ADGRB3: variants seen among roughly 807,000 people sequenced by gnomAD.
The protein encoded by ADGRB3 is brain-specific angiogenesis inhibitor 3.
ADGRB3 carries 37 observed loss-of-function variants against 193.4 expected under a neutral mutation model. The ratio of observed to expected loss-of-function variants is 0.19; its 90% CI spans 0.15 to 0.25. The LOEUF is 0.25. ADGRB3 is among the 10% of genes least tolerant of loss of function. The pLI is 1.00. For synonymous variants in ADGRB3, 690 were observed against 644.2 expected, an observed-to-expected ratio of 1.07 and a Z score of -1.08; for missense variants, 1,637 against 1,852.9, an observed-to-expected ratio of 0.88 and a Z score of 2.14.
chr6:68,959,739 T>A (rs1768180959), intron 8 of ADGRB3, among the ~76,000 whole-genome samples: 1 of 152,104 alleles, frequency 6.6e-6, no homozygotes, highest in Admixed American at 6.6e-5. Flanking sequence ...TCTTTTGTTT[T>A]CATAAAAAAT....
intron 17 of ADGRB3, among the ~76,000 whole-genome samples, chr6:69,205,394 C>CTTTT (rs10715013): frequency 2.0e-5 from 3 of 146,774 alleles, no homozygotes; most frequent in African/African-American, 2.5e-5. Context: ...AATAAAAGAC[C>CTTTT]TTTTTTTTTT....
intron 3 of ADGRB3, among the ~76,000 whole-genome samples, chr6:68,906,555 T>C (rs1216931612): frequency 6.6e-6 from 1 of 151,966 alleles, no homozygotes; most frequent in Non-Finnish European, 1.5e-5. Flanking sequence ...CTAATAAAAA[T>C]GGTCAAATTG....
chr6:69,234,944 G>T, intron 18 of ADGRB3, 88 bp from the exon 19 acceptor site: 1 of 999,446 alleles, frequency 1.0e-6, no homozygotes, highest in Non-Finnish European at 1.5e-6. Context: ...GGCTATTTTT[G>T]AGTGATAGGT....
intron 3 of ADGRB3, among the ~76,000 whole-genome samples, chr6:68,867,882 A>ACC (rs1333944599): frequency 1.2e-4 from 19 of 152,168 alleles, no homozygotes; most frequent in African/African-American, 4.3e-4. Flanking sequence ...GGCAGCATTT[A>ACC]CCCAGCGCCT....
At chr6:69,108,513 G>A (rs751719414) in intron 17 of ADGRB3, among the ~76,000 whole-genome samples, 3 of 151,980 alleles carry the variant, frequency 2.0e-5, no homozygotes, top group Non-Finnish European at 4.4e-5. Flanking sequence ...TGCAATGCAG[G>A]AGTGAGAAAG....
At position 69,076,743 on chromosome 6, in the gene ADGRB3, A is replaced by G. The variant is rs140811299; in HGVS notation, c.2480+705A>G. 2.0e-5 allele frequency among the ~76,000 whole-genome samples: 3 copies of G among 152,072 alleles called. No homozygotes were observed. In the East Asian group the frequency reaches 5.8e-4, roughly 29 times the overall value. On this transcript the variant is annotated intron_variant, in intron 17 of 31. Coordinates refer to ENST00000370598, the MANE Select transcript of ADGRB3 (RefSeq NM_001704.3). Reference sequence around the variant, plus strand: ...ACTTTAAATACTTGTGTAGCTTATAACTTTTATTTTTTTGCTTGGTTTGAT... The same window carrying G: ...ACTTTAAATACTTGTGTAGCTTATAGCTTTTATTTTTTTGCTTGGTTTGAT...
At chr6:68,758,249 A>G (rs766322942) in intron 3 of ADGRB3, among the ~76,000 whole-genome samples, 1 of 152,046 alleles carries the variant, frequency 6.6e-6, no homozygotes, top group Non-Finnish European at 1.5e-5. Context: ...TATTTCCACA[A>G]AAGTTTCTAA....
chr6:68,896,719 C>T (rs1344577893), intron 3 of ADGRB3, among the ~76,000 whole-genome samples: 1 of 152,084 alleles, frequency 6.6e-6, no homozygotes, highest in Non-Finnish European at 1.5e-5. Flanking sequence ...TAATGTTATA[C>T]TAGGAATTTT....
chr6:68,931,832 A>G (rs1195334663), intron 4 of ADGRB3, among the ~76,000 whole-genome samples: 1 of 152,178 alleles, frequency 6.6e-6, no homozygotes, highest in East Asian at 1.9e-4. Context: ...AAGAAGTTTA[A>G]AATAAATTTT....
rs539166467 is a variant in ADGRB3 at position 69,189,961 on chromosome 6, A to T, written c.2481-43329A>T. On this transcript the variant is annotated intron_variant, in intron 17 of 31. Coordinates refer to ENST00000370598, the MANE Select transcript of ADGRB3 (RefSeq NM_001704.3). The stretch of plus-strand genomic sequence containing the variant: ...TTAGTTACACTGTAGCCATCATAAC[A>T]TCCTAGTGCAAGGCAGTATGTGTTT... Among the ~76,000 whole-genome samples the T allele has an allele frequency of 3.3e-5, 5 of 152,270 alleles. No individual in the cohort carries two copies. In the South Asian group the frequency reaches 1.0e-3, roughly 32 times the overall value.
intron 3 of ADGRB3, among the ~76,000 whole-genome samples, chr6:68,916,169 A>C (rs1766871987): frequency 6.6e-6 from 1 of 152,124 alleles, no homozygotes; most frequent in South Asian, 2.1e-4. Flanking sequence ...GAAAGAATGA[A>C]TAAGTAAAAA....
chr6:68,800,358 C>T lies in ADGRB3; in HGVS notation c.758-130201C>T, dbSNP rs116982979. Among the ~76,000 whole-genome samples, 643 of 152,186 alleles carry T rather than the reference C, an allele frequency of 4.2e-3. 4 individuals are homozygous for T. The highest frequency in any genetic ancestry group is 6.3e-3 in the Non-Finnish European group (430 of 68,010). The stretch of plus-strand genomic sequence containing the variant: ...TCTTATGCTTGTGATACATTTTGGA[C>T]ATTCACATAAAGATGTCTGTCAGAT... On this transcript the variant is annotated intron_variant, in intron 3 of 31. Transcript: ENST00000370598.
At chr6:69,196,884 G>A (rs987007437) in intron 17 of ADGRB3, among the ~76,000 whole-genome samples, 2 of 152,064 alleles carry the variant, frequency 1.3e-5, no homozygotes, top group Admixed American at 1.3e-4. Flanking sequence ...TGTAGCAGAA[G>A]GAGCACAGGC....
At chr6:68,988,176 A>G (rs931060759) in intron 10 of ADGRB3, among the ~76,000 whole-genome samples, 5 of 152,196 alleles carry the variant, frequency 3.3e-5, no homozygotes, top group Non-Finnish European at 7.3e-5. Context: ...AAGAAACTAC[A>G]GGCTCTTTAG....
intron 10 of ADGRB3, among the ~76,000 whole-genome samples, chr6:68,992,506 A>C (rs754121941): frequency 6.6e-6 from 1 of 152,178 alleles, no homozygotes; most frequent in South Asian, 2.1e-4. Flanking sequence ...GATAGGTAAA[A>C]GCCAGATTAC....
At chr6:68,955,929 G>C (rs1164511894) in intron 6 of ADGRB3, 95 bp from the exon 7 acceptor site, 4 of 1,233,974 alleles carry the variant, frequency 3.2e-6, no homozygotes, top group African/African-American at 1.5e-5. Context: ...CCATTGATTG[G>C]GGTTCATCTT....
At chr6:68,805,178 C>T (rs910784106) in intron 3 of ADGRB3, among the ~76,000 whole-genome samples, 7 of 152,136 alleles carry the variant, frequency 4.6e-5, no homozygotes, top group African/African-American at 1.7e-4. Flanking sequence ...CTAAAGTGAT[C>T]CGACTGTCTG....
intron 16 of ADGRB3, among the ~76,000 whole-genome samples, chr6:69,067,643 T>C (rs1771946680): frequency 6.6e-6 from 1 of 152,178 alleles, no homozygotes; most frequent in Admixed American, 6.6e-5. Flanking sequence ...GAATTACTTT[T>C]CTGCCCTAGC....
At chr6:69,340,456 A>G (rs1055900868) in intron 26 of ADGRB3, among the ~76,000 whole-genome samples, 2 of 152,100 alleles carry the variant, frequency 1.3e-5, no homozygotes, top group Admixed American at 6.6e-5. Flanking sequence ...GTCATTTTGC[A>G]TTATCTAGCT....
Sources: gnomAD v4.1 joint callset for allele counts (sites outside exome capture counted in the v4.1 genomes callset) on GRCh38, gnomAD v4.1.1 for gene constraint, MANE v1.5 for transcripts, NCBI Gene and HGNC (gene_info 2026-07-23, HGNC 2026-07-21) for gene names.